Variants in GRIK2 observed in about 807,000 individuals in gnomAD.
GRIK2 encodes glutamate receptor ionotropic, kainate 2.
GRIK2 carries 32 observed loss-of-function variants against 100.3 expected under a neutral mutation model. That is an observed-to-expected ratio of 0.32 (90% CI 0.24 to 0.43). GRIK2 has a LOEUF of 0.43. Among genes scored for constraint, GRIK2 ranks in the 20% least tolerant of loss-of-function variants. The probability of loss-of-function intolerance (pLI) is 1.00; values close to 1 mark genes in which losing one functional copy is unlikely to be tolerated. For synonymous variants in GRIK2, 417 were observed against 389.4 expected, an observed-to-expected ratio of 1.07 and a Z score of -0.83; for missense variants, 843 against 1,114.9, an observed-to-expected ratio of 0.76 and a Z score of 3.47.
chr6:101,749,803 CTT>C (rs989554915), intron 7 of GRIK2, among the ~76,000 whole-genome samples: 4 of 92,546 alleles, frequency 4.3e-5, no homozygotes, highest in African/African-American at 1.3e-4. Context: ...GTGCCAGTTT[CTT>C]TTTTTTTTTT....
At chr6:101,610,112 C>G (rs1011517741) in intron 2 of GRIK2, among the ~76,000 whole-genome samples, 6 of 151,304 alleles carry the variant, frequency 4.0e-5, no homozygotes, top group South Asian at 2.1e-4. Flanking sequence ...AAATAATAAG[C>G]ACACAAAAAT....
At chr6:101,733,568 A>C (rs765767001) in intron 7 of GRIK2, among the ~76,000 whole-genome samples, 11 of 151,926 alleles carry the variant, frequency 7.2e-5, no homozygotes, top group Non-Finnish European at 1.0e-4. Context: ...TTCTTTATTA[A>C]AGTTTTAGCC....
At chr6:101,929,836 A>C (rs1002018294) in intron 14 of GRIK2, among the ~76,000 whole-genome samples, 17 of 152,264 alleles carry the variant, frequency 1.1e-4, no homozygotes, top group African/African-American at 4.1e-4. Context: ...GACTAGATTA[A>C]GTATTGGATA....
rs17062779 is a variant in GRIK2 at position 102,038,303 on chromosome 6, A to G, written c.2311+2737A>G. 4.4e-3 allele frequency among the ~76,000 whole-genome samples: 668 copies of G among 151,478 alleles called. 14 individuals are homozygous for G. The highest frequency in any genetic ancestry group is 0.031 in the East Asian group (161 of 5,124). On this transcript the variant is annotated intron_variant, in intron 15 of 16. Coordinates refer to ENST00000369134, the MANE Select transcript of GRIK2 (RefSeq NM_021956.5). ...GTCTGTTAGGCTGCCATTATCCTATAGTTTCATTTGGGAAGAGCTGAAATA... is the reference window on the plus strand; with the variant it reads ...GTCTGTTAGGCTGCCATTATCCTATGGTTTCATTTGGGAAGAGCTGAAATA...
chr6:101,835,566 G>A (rs1783023802), intron 10 of GRIK2, among the ~76,000 whole-genome samples: 1 of 148,428 alleles, frequency 6.7e-6, no homozygotes, highest in East Asian at 2.0e-4. Context: ...CATCCCCCGG[G>A]TTCAAGTGAT....
intron 2 of GRIK2, among the ~76,000 whole-genome samples, chr6:101,563,492 C>G (rs1280558199): frequency 6.6e-6 from 1 of 152,060 alleles, no homozygotes. Flanking sequence ...TGGATGCTTT[C>G]CAATGATGTA....
chr6:101,661,270 A>G (rs1477874507), intron 4 of GRIK2, among the ~76,000 whole-genome samples: 1 of 152,098 alleles, frequency 6.6e-6, no homozygotes, highest in Non-Finnish European at 1.5e-5. Flanking sequence ...CTTTGTTTAC[A>G]CTGTGAGGGG....
At chr6:101,847,022 C>T (rs577701019) in intron 10 of GRIK2, among the ~76,000 whole-genome samples, 7 of 149,364 alleles carry the variant, frequency 4.7e-5, no homozygotes, top group Non-Finnish European at 8.9e-5. Context: ...AATCTTTCTT[C>T]TTTTCTTCCT....
chr6:101,886,075 C>T (rs1786592270), intron 11 of GRIK2, among the ~76,000 whole-genome samples: 1 of 152,122 alleles, frequency 6.6e-6, no homozygotes, highest in African/African-American at 2.4e-5. Context: ...AGCACTATCT[C>T]AATTCTTTTG....
At chr6:102,059,616 A>G (rs1771645442) in intron 16 of GRIK2, among the ~76,000 whole-genome samples, 1 of 151,018 alleles carries the variant, frequency 6.6e-6, no homozygotes, top group Admixed American at 6.6e-5. Flanking sequence ...TAATATTTAT[A>G]ATATGTTGGC....
chr6:101,909,376 C>G lies in GRIK2; in HGVS notation c.1749-15225C>G, dbSNP rs1340286. On this transcript the variant is annotated intron_variant, in intron 12 of 16. Transcript: ENST00000369134. ...GGATGCTGAAGGAAGATAGGGTTTT[C>G]TTTTTCTTTTTTTTTTTTTTAAAGA... 5.6e-4 allele frequency among the ~76,000 whole-genome samples: 73 copies of G among 129,204 alleles called. 4 individuals carry two copies. Among genetic ancestry groups the G allele is most frequent in the Non-Finnish European group, 6.5e-4 (41 of 62,998 alleles). The allele number at this position is 129,204 out of a possible 152,430, so 84.8% of individuals were successfully genotyped here.
intron 12 of GRIK2, among the ~76,000 whole-genome samples, chr6:101,912,592 T>G (rs975135994): frequency 2.6e-5 from 4 of 151,458 alleles, no homozygotes; most frequent in Non-Finnish European, 5.9e-5. Context: ...CTAACAGGGG[T>G]GGGTATTATT....
intron 2 of GRIK2, among the ~76,000 whole-genome samples, chr6:101,558,943 G>A (rs1776869230): frequency 6.6e-6 from 1 of 151,884 alleles, no homozygotes; most frequent in African/African-American, 2.4e-5. Flanking sequence ...GTATATTTAT[G>A]ACTCTTTGCT....
intron 2 of GRIK2, among the ~76,000 whole-genome samples, chr6:101,540,049 A>G (rs540976969): frequency 3.3e-5 from 5 of 151,880 alleles, no homozygotes; most frequent in East Asian, 1.9e-4. Context: ...GCAGCTTGCC[A>G]TGAAAGGTCA....
At chr6:101,520,522 A>C (rs1774829531) in intron 2 of GRIK2, among the ~76,000 whole-genome samples, 1 of 152,096 alleles carries the variant, frequency 6.6e-6, no homozygotes, top group Admixed American at 6.6e-5. Context: ...AGTAAAAGAC[A>C]TATAAGGAAT....
rs370719445 is a variant in GRIK2, at chr6:101,936,294, C to T, written c.2085+7662C>T. 1.4e-4 allele frequency among the ~76,000 whole-genome samples: 21 copies of T among 151,956 alleles called. No individual in the cohort carries two copies. In the East Asian group the frequency reaches 3.9e-3, roughly 28 times the overall value. The stretch of plus-strand genomic sequence containing the variant: ...ATAGTCATATAATTTTCCTAACGCT[C>T]CCAAATTATTTTTCCTTTATTAATG... On this transcript the variant is annotated intron_variant, in intron 14 of 16. Coordinates refer to ENST00000369134, the MANE Select transcript of GRIK2 (RefSeq NM_021956.5).
chr6:101,770,851 C>T (rs1778356233), intron 7 of GRIK2, among the ~76,000 whole-genome samples: 1 of 152,166 alleles, frequency 6.6e-6, no homozygotes, highest in African/African-American at 2.4e-5. Context: ...TCTGCACCAA[C>T]TCACATATTC....
At chr6:101,555,561 C>A (rs1562222913) in intron 2 of GRIK2, among the ~76,000 whole-genome samples, 1 of 152,118 alleles carries the variant, frequency 6.6e-6, no homozygotes, top group Non-Finnish European at 1.5e-5. Context: ...TTAAAAATTT[C>A]ATCTAAAATT....
At chr6:102,056,863 C>T (rs1330827276) in intron 16 of GRIK2, among the ~76,000 whole-genome samples, 1 of 151,600 alleles carries the variant, frequency 6.6e-6, no homozygotes, top group Non-Finnish European at 1.5e-5. Flanking sequence ...TTTTTATAAC[C>T]CCATTTTGTC....
Sources: gnomAD v4.1 joint callset for allele counts (sites outside exome capture counted in the v4.1 genomes callset) on GRCh38, gnomAD v4.1.1 for gene constraint, MANE v1.5 for transcripts, NCBI Gene and HGNC (gene_info 2026-07-23, HGNC 2026-07-21) for gene names.